The following GLIS3 variants were observed in gnomAD, a reference collection of about 807,000 sequenced individuals.
The protein encoded by GLIS3 is GLIS family zinc finger 3.
In GLIS3, 53 loss-of-function variants were observed where a neutral mutation model predicts 78.6. The ratio of observed to expected loss-of-function variants is 0.67; its 90% confidence interval spans 0.54 to 0.85. The LOEUF (loss-of-function observed/expected upper bound fraction) is 0.85, where lower values mean the gene tolerates loss of function less well. GLIS3 is among the 40% of genes least tolerant of loss of function. The pLI is 0.00. For synonymous variants in GLIS3, 684 were observed against 509.9 expected (o/e 1.34, Z -4.60); for missense variants, 1,703 against 1,231.1 (o/e 1.38, Z -5.74).
At chr9:4,450,106 A>G in the GLIS3 span, among the ~76,000 whole-genome samples, 1 of 152,204 alleles carries the variant, frequency 6.6e-6, no homozygotes, top group Non-Finnish European at 1.5e-5. Context: ...TTGAAAAAAG[A>G]TAAGATGAAT....
chr9:4,285,351 T>A, intron 2 of GLIS3, among the ~76,000 whole-genome samples: 1 of 152,184 alleles, frequency 6.6e-6, no homozygotes, highest in East Asian at 1.9e-4. Flanking sequence ...TTAAAATATA[T>A]GGTAATTAAA....
intron 4 of GLIS3, among the ~76,000 whole-genome samples, chr9:4,108,995 C>T (rs1438332154): frequency 3.3e-5 from 5 of 152,142 alleles, no homozygotes; most frequent in East Asian, 1.9e-4. Context: ...CTGCCTTCCC[C>T]GGTCTAGAGA....
At chr9:3,929,993 C>T (rs1179694349) in intron 6 of GLIS3, among the ~76,000 whole-genome samples, 1 of 151,936 alleles carries the variant, frequency 6.6e-6, no homozygotes, top group Admixed American at 6.6e-5. Context: ...AATATTACAC[C>T]CTGGTATATC....
At position 4,286,069 on chromosome 9, in the gene GLIS3, A is replaced by C. The variant is rs1827963683; in HGVS notation, c.357T>G (p.Phe119Leu). Reference sequence around the variant, plus strand: ...CAGGATTTGGAGGAAAAGGGCTTCCAAACTCCTGCTGCTTTGGCTTTAAAG... The same window carrying C: ...CAGGATTTGGAGGAAAAGGGCTTCCCAACTCCTGCTGCTTTGGCTTTAAAG... ...SHTLKPKQQE[F>L]GSPFPPNPGK... The change falls in exon 2 of 11, where the codon TTT becomes TTG. Residue 119 changes from phenylalanine to leucine, a missense_variant. Transcript: ENST00000381971. 1 of 1,613,850 alleles carries C rather than the reference A, an allele frequency of 6.2e-7. No homozygotes were observed. The highest frequency in any genetic ancestry group is 1.1e-5 in the South Asian group (1 of 91,052).
intron 4 of GLIS3, among the ~76,000 whole-genome samples, chr9:4,098,918 C>G (rs1278013941): frequency 6.6e-6 from 1 of 152,142 alleles, no homozygotes; most frequent in African/African-American, 2.4e-5. Context: ...ATGTGTTGAT[C>G]CCAAAACTCC....
intron 7 of GLIS3, among the ~76,000 whole-genome samples, chr9:3,895,424 G>A (rs1229157781): frequency 6.6e-6 from 1 of 152,174 alleles, no homozygotes; most frequent in Non-Finnish European, 1.5e-5. Context: ...GCTCTCAGGT[G>A]AGCTCAGGAG....
chr9:4,156,768 C>T (rs540985641), intron 2 of GLIS3, among the ~76,000 whole-genome samples: 1 of 152,148 alleles, frequency 6.6e-6, no homozygotes, highest in South Asian at 2.1e-4. Context: ...CCTGGATATG[C>T]TGAAGAACAG....
In GLIS3 at chr9:3,938,311, G is replaced by A. The variant is rs111984816; in HGVS notation, c.1711-1122C>T. 5.4e-3 allele frequency among the ~76,000 whole-genome samples: 818 copies of A among 152,308 alleles called. 8 individuals are homozygous for A. Among genetic ancestry groups the A allele is most frequent in the African/African-American group, 0.019 (792 of 41,578 alleles). On this transcript the variant is annotated intron_variant, in intron 4 of 10. Coordinates refer to ENST00000381971, the MANE Select transcript of GLIS3 (RefSeq NM_001042413.2). ...GCCTCACTTCTTATAGAGGAATGCA[G>A]GGGGGTGAGGGTGGGTAAGGAAGGA...
the GLIS3 span, among the ~76,000 whole-genome samples, chr9:4,408,394 C>T: frequency 3.5e-5 from 5 of 144,528 alleles, no homozygotes; most frequent in South Asian, 2.2e-4. Flanking sequence ...TTACCTGGGG[C>T]GGTAGGGAGG....
At chr9:4,132,215 G>A (rs531773835) in intron 2 of GLIS3, among the ~76,000 whole-genome samples, 1 of 152,122 alleles carries the variant, frequency 6.6e-6, no homozygotes, top group Non-Finnish European at 1.5e-5. Flanking sequence ...TTTGAAACAT[G>A]TGTTTACTGC....
intron 2 of GLIS3, among the ~76,000 whole-genome samples, chr9:4,283,738 A>G (rs1261044417): frequency 6.6e-6 from 1 of 152,232 alleles, no homozygotes; most frequent in Non-Finnish European, 1.5e-5. Context: ...CTAGATCACC[A>G]TCCTCAACCA....
chr9:4,193,116 T>G (rs1307485729), intron 2 of GLIS3, among the ~76,000 whole-genome samples: 1 of 152,264 alleles, frequency 6.6e-6, no homozygotes, highest in Non-Finnish European at 1.5e-5. Flanking sequence ...TTCAGACTTA[T>G]ATTTTACTTA....
At chr9:4,456,359 A>G in the GLIS3 span, among the ~76,000 whole-genome samples, 2 of 152,160 alleles carry the variant, frequency 1.3e-5, no homozygotes, top group South Asian at 2.1e-4. Context: ...ATAAAACAAC[A>G]ATGAAGTTGC....
Position 3,855,974 on chromosome 9 carries a change from T to C in GLIS3, c.2473+35A>G, listed in dbSNP as rs750870665. ...GAAAAGCAACAGCACAATGTCACTT[T>C]TCAAAACTCAAGGGACTGCCAGCTT... On this transcript the variant is annotated intron_variant, in intron 9 of 10. Coordinates refer to ENST00000381971, the MANE Select transcript of GLIS3 (RefSeq NM_001042413.2). The C allele has an allele frequency of 5.0e-6, 8 of 1,611,568 alleles. No homozygotes were observed. In the South Asian group the frequency reaches 8.8e-5, roughly 18 times the overall value.
chr9:4,229,538 C>G (rs866114660), intron 2 of GLIS3, among the ~76,000 whole-genome samples: 2 of 152,098 alleles, frequency 1.3e-5, no homozygotes, highest in Admixed American at 1.3e-4. Context: ...TATCCTTAAA[C>G]GTAAAGTATT....
chr9:4,007,441 C>G (rs1272429628), intron 4 of GLIS3, among the ~76,000 whole-genome samples: 1 of 152,130 alleles, frequency 6.6e-6, no homozygotes, highest in Non-Finnish European at 1.5e-5. Context: ...ATCCCTCTTT[C>G]TGAATGTCTT....
intron 8 of GLIS3, among the ~76,000 whole-genome samples, chr9:3,878,090 C>G (rs937814013): frequency 6.6e-6 from 1 of 152,114 alleles, no homozygotes; most frequent in African/African-American, 2.4e-5. Flanking sequence ...TTCCTCACAT[C>G]TTGGATATGT....
At chr9:3,940,694 A>C (rs182859403) in intron 4 of GLIS3, among the ~76,000 whole-genome samples, 126 of 152,330 alleles carry the variant, frequency 8.3e-4, no homozygotes, top group Admixed American at 3.0e-3. Flanking sequence ...AAGGTGGCTG[A>C]ATAGAACACA....
the GLIS3 span, among the ~76,000 whole-genome samples, chr9:4,405,173 G>A: frequency 6.6e-6 from 1 of 152,012 alleles, no homozygotes; most frequent in East Asian, 1.9e-4. Flanking sequence ...TGACCAACAT[G>A]GAGAAATCCC....
Sources: gnomAD v4.1 joint callset for allele counts (sites outside exome capture counted in the v4.1 genomes callset) on GRCh38, gnomAD v4.1.1 for gene constraint, MANE v1.5 for transcripts, NCBI Gene and HGNC (gene_info 2026-07-23, HGNC 2026-07-21) for gene names.